Variants in DNAJC7 observed in about 807,000 individuals in gnomAD.
DNAJC7 encodes dnaJ homolog subfamily C member 7.
A neutral mutation model predicts 67.4 loss-of-function variants in DNAJC7; 18 were observed. The ratio of observed to expected loss-of-function variants is 0.27; its 90% confidence interval spans 0.18 to 0.40. The LOEUF (loss-of-function observed/expected upper bound fraction) is 0.40, where lower values mean the gene tolerates loss of function less well. DNAJC7 is among the 10% of genes least tolerant of loss of function. The pLI, the probability that DNAJC7 is intolerant of heterozygous loss-of-function variation, is 1.00. For missense variants in DNAJC7, 419 were observed against 613.8 expected, an observed-to-expected ratio of 0.68 and a Z score of 3.35; for synonymous variants, 220 against 207.8, an observed-to-expected ratio of 1.06 and a Z score of -0.50.
In DNAJC7 at chr17:42,004,478, T is replaced by G. The variant is rs531135852; in HGVS notation, c.78-3908A>C. ...TGGGTCAACTTCTAAGCAGAATAGCTTCACAGCTCTGATTCACCAAGAGAT... is the reference window on the plus strand; with the variant it reads ...TGGGTCAACTTCTAAGCAGAATAGCGTCACAGCTCTGATTCACCAAGAGAT... On this transcript the variant is annotated intron_variant, in intron 1 of 13. Coordinates refer to ENST00000457167, the MANE Select transcript of DNAJC7 (RefSeq NM_003315.4). 5.9e-5 allele frequency among the ~76,000 whole-genome samples: 9 copies of G among 152,336 alleles called. No individual in the cohort carries two copies. In the South Asian group the frequency reaches 1.9e-3, roughly 32 times the overall value.
intron 1 of DNAJC7, among the ~76,000 whole-genome samples, chr17:42,007,783 A>G (rs1414395821): frequency 1.3e-5 from 2 of 149,428 alleles, no homozygotes; most frequent in Admixed American, 6.7e-5. Context: ...TCAGCCTCCC[A>G]AAGTGCTAAG....
intron 2 of DNAJC7, among the ~76,000 whole-genome samples, chr17:41,999,690 T>G (rs1158413306): frequency 2.0e-5 from 3 of 151,550 alleles, no homozygotes; most frequent in African/African-American, 7.3e-5. Flanking sequence ...CCAGCAAATT[T>G]TTGTATTTTG....
chr17:42,002,321 T>C (rs956008113), intron 1 of DNAJC7, among the ~76,000 whole-genome samples: 3 of 152,138 alleles, frequency 2.0e-5, no homozygotes, highest in South Asian at 2.1e-4. Flanking sequence ...ATACAAATCT[T>C]TGAGGAAAAC....
chr17:42,001,917 A>C (rs1370129933), intron 1 of DNAJC7, among the ~76,000 whole-genome samples: 1 of 152,194 alleles, frequency 6.6e-6, no homozygotes, highest in African/African-American at 2.4e-5. Context: ...ATGACCTATA[A>C]ATGCTGACAG....
At position 41,977,264 on chromosome 17, in the gene DNAJC7, C is replaced by A. The variant is rs75450053; in HGVS notation, c.1444G>T (p.Glu482Ter). 6.3e-6 allele frequency: 10 copies of A among 1,579,834 alleles called. No homozygotes were observed. The highest frequency in any genetic ancestry group is 6.9e-6 in the Non-Finnish European group (8 of 1,163,142). ...FFGGPGGFSF[E>*]ASGPGNFFFQ... ...CAAGAACAGCAGGCCCACCTACCTT[C>A]AAAGCTGAAGCCGCCAGGACCGCCA... The change falls in exon 13 of 14, where the codon GAA becomes TAA. Residue 482 changes from glutamate to a stop codon, truncating the protein, a stop_gained. Coordinates refer to ENST00000457167, the MANE Select transcript of DNAJC7 (RefSeq NM_003315.4). LOFTEE classifies it high-confidence loss of function.
At chr17:41,980,606 C>T (rs535360853) in intron 12 of DNAJC7, among the ~76,000 whole-genome samples, 1 of 151,722 alleles carries the variant, frequency 6.6e-6, no homozygotes, top group East Asian at 2.0e-4. Context: ...GTATGTTGCC[C>T]AGGGTGGTCT....
chr17:41,981,904 A>G lies in DNAJC7; in HGVS notation c.1335T>C (p.Thr445=). ...CTAGGTCCTGTCCACTGTCATAGCGAGTCTTTTTCTTGGGATCAGAGAGGA... is the reference window on the plus strand; with the variant it reads ...CTAGGTCCTGTCCACTGTCATAGCGGGTCTTTTTCTTGGGATCAGAGAGGA... ...FTILSDPKKK[T]RYDSGQDLDE... Residue 445 remains threonine (T), a synonymous_variant, in exon 12 of 14, where the codon ACT becomes ACC. Transcript: ENST00000457167. 1.9e-6 allele frequency: 3 copies of G among 1,613,946 alleles called. No individual in the cohort carries two copies.
intron 1 of DNAJC7, chr17:42,014,542 A>G (rs2052211432): frequency 6.6e-6 from 1 of 151,990 alleles, no homozygotes; most frequent in Non-Finnish European, 1.5e-5. Flanking sequence ...ACAGTGCTAT[A>G]TATGAGAAAC....
At chr17:41,999,042 TA>T (rs549481253) in intron 2 of DNAJC7, among the ~76,000 whole-genome samples, 1 of 148,034 alleles carries the variant, frequency 6.8e-6, no homozygotes. Context: ...TTTAAAGAGT[TA>T]AAAAAAAAGA....
At chr17:41,999,968 G>A (rs556697587) in intron 2 of DNAJC7, among the ~76,000 whole-genome samples, 31 of 149,244 alleles carry the variant, frequency 2.1e-4, no homozygotes, top group Admixed American at 5.4e-4. Context: ...ACAGGTGCCC[G>A]CCACCAGGCC....
Position 41,976,627 on chromosome 17 carries a change from C to T in DNAJC7, c.*106G>A. 2 of 1,469,732 alleles carry T rather than the reference C, an allele frequency of 1.4e-6. No homozygotes were observed. Among genetic ancestry groups the T allele is most frequent in the Non-Finnish European group, 1.8e-6 (2 of 1,082,558 alleles). The allele number at this position is 1,469,732 out of a possible 1,614,324, so 91.0% of individuals were successfully genotyped here. A position where few individuals can be genotyped will look rare whatever the true frequency, so the allele number is the denominator to read the frequency against. The stretch of plus-strand genomic sequence containing the variant: ...GCATCCAACTGAGAAAACGAAACTG[C>T]TCTAAGCACACGGAGACGTGATGAA... On this transcript the variant is annotated 3_prime_UTR_variant, in exon 14 of 14. Coordinates refer to ENST00000457167, the MANE Select transcript of DNAJC7 (RefSeq NM_003315.4).
intron 8 of DNAJC7, 75 bp downstream of exon 8, chr17:41,988,657 G>C (rs2051440662): frequency 6.8e-7 from 1 of 1,473,546 alleles, no homozygotes; most frequent in Admixed American, 2.6e-5. Context: ...ACCCTCACTA[G>C]GCAGATTTCC....
intron 1 of DNAJC7, chr17:42,015,067 C>T (rs2052228631): frequency 6.6e-6 from 1 of 151,990 alleles, no homozygotes; most frequent in South Asian, 2.1e-4. Flanking sequence ...GCAACCTCCA[C>T]CTCCTGAGTT....
chr17:41,982,391 C>T lies in DNAJC7; in HGVS notation c.1095G>A (p.Gln365=). 6.2e-7 allele frequency: 1 copy of T among 1,613,874 alleles called. No individual in the cohort carries two copies. The highest frequency in any genetic ancestry group is 8.5e-7 in the Non-Finnish European group (1 of 1,179,868). Residue 365 remains glutamine (Q), a synonymous_variant, in exon 11 of 14, where the codon CAG becomes CAA. Transcript: ENST00000457167. The part of the protein sequence containing the change: ...YQTEKTKEHK[Q]LLKNAQLELK... ...GTTCCAGCTGCGCATTTTTTAGGAG[C>T]TGTTTGTGTTCTACAGGAAGACATC...
rs367925416 is a variant in DNAJC7 at position 42,000,590 on chromosome 17, A to G, written c.78-20T>C. 52 of 1,575,442 alleles carry G rather than the reference A, an allele frequency of 3.3e-5. No homozygotes were observed. The African/African-American group carries it at 6.9e-4, about 21-fold the overall frequency. ...GCTTCCCTGAAAATGAAAGAGAAAG[A>G]GAATCATGTTACTTTACAAAGGGAA... On this transcript the variant is annotated intron_variant, in intron 1 of 13. Transcript: ENST00000457167.
At chr17:41,984,990 G>C (rs1408477414) in intron 9 of DNAJC7, 2 of 152,176 alleles carry the variant, frequency 1.3e-5, no homozygotes. Context: ...ACCACACCTG[G>C]CTAATTTTTT....
chr17:41,988,870 T>C lies in DNAJC7; in HGVS notation c.780A>G (p.Lys260=). 1 of 1,613,544 alleles carries C rather than the reference T, an allele frequency of 6.2e-7. No individual in the cohort carries two copies. ...CCTTAAATGCTTTATTCCCATCTTC[T>C]TTCTTTGCTTTGAGTGCTTTGGCAT... ...CRNAKALKAK[K]EDGNKAFKEG... is the part of the protein sequence containing the mutation. The change falls in exon 8 of 14, where the codon AAA becomes AAG. Residue 260 remains lysine, a synonymous_variant. Transcript: ENST00000457167.
In DNAJC7 at chr17:41,997,312, G is replaced by T. The variant is rs1598138490; in HGVS notation, c.167-73C>A. The T allele has an allele frequency of 2.6e-6, 4 of 1,540,774 alleles. No homozygotes were observed. In the South Asian group the frequency reaches 3.6e-5, roughly 14 times the overall value. On this transcript the variant is annotated intron_variant, in intron 2 of 13. Transcript: ENST00000457167. ...TGCTTTGAAAACTTAGAGGGGGCTG[G>T]GCGCAGTGGCTCATGCCCATAATCC...
At chr17:41,984,477 AT>A (rs1180024096) in intron 9 of DNAJC7, 72 of 142,542 alleles carry the variant, frequency 5.1e-4, no homozygotes, top group African/African-American at 6.4e-4. Flanking sequence ...CTAATTTTTT[AT>A]TTTTTTTTTT....
Sources: allele counts gnomAD v4.1 joint callset (sites outside exome capture counted in the v4.1 genomes callset), GRCh38; gene constraint gnomAD v4.1.1; transcripts MANE v1.5; gene names NCBI Gene and HGNC (gene_info 2026-07-23, HGNC 2026-07-21).